Variants in XKR6 observed in about 807,000 individuals in gnomAD.
XKR6 encodes the protein XK related 6.
In XKR6, 22 loss-of-function variants were observed where a neutral mutation model predicts 56.7. That is an observed-to-expected ratio of 0.39 (90% CI 0.28 to 0.55). The LOEUF is 0.55. XKR6 is among the 20% of genes least tolerant of loss of function. The pLI, the probability that XKR6 is intolerant of heterozygous loss-of-function variation, is 0.66. For synonymous variants in XKR6, 524 were observed against 387.8 expected (o/e 1.35, Z -4.13); for missense variants, 852 against 889.0 (o/e 0.96, Z 0.53).
At chr8:10,953,317 A>G (rs139387531) in intron 1 of XKR6, among the ~76,000 whole-genome samples, 2 of 151,936 alleles carry the variant, frequency 1.3e-5, no homozygotes, top group African/African-American at 4.8e-5. Flanking sequence ...TTCTCTGGAG[A>G]TCTGGTTGTT....
chr8:11,125,824 G>C (rs542532323), intron 1 of XKR6: 1 of 152,190 alleles, frequency 6.6e-6, no homozygotes, highest in East Asian at 1.9e-4. Context: ...CTCATAAAAC[G>C]TCCAGGACCC....
At chr8:11,144,508 C>A (rs1800878567) in intron 1 of XKR6, among the ~76,000 whole-genome samples, 1 of 151,816 alleles carries the variant, frequency 6.6e-6, no homozygotes, top group African/African-American at 2.4e-5. Context: ...ATCTGGAGAC[C>A]AGGGCGCAGG....
intron 1 of XKR6, among the ~76,000 whole-genome samples, chr8:11,054,954 A>T (rs1016189670): frequency 6.6e-6 from 1 of 152,296 alleles, no homozygotes; most frequent in South Asian, 2.1e-4. Context: ...GCTCAGGCCA[A>T]TCCTGTCTTC....
At chr8:11,085,844 GA>G (rs1797868511) in intron 1 of XKR6, among the ~76,000 whole-genome samples, 1 of 152,188 alleles carries the variant, frequency 6.6e-6, no homozygotes, top group Admixed American at 6.5e-5. Context: ...AGGGCCTGCA[GA>G]TGCCCTACCT....
intron 2 of XKR6, among the ~76,000 whole-genome samples, chr8:10,912,987 CACAT>C (rs1187032654): frequency 2.7e-5 from 4 of 147,790 alleles, no homozygotes; most frequent in Admixed American, 6.7e-5. Context: ...AGTGTATATA[CACAT>C]ACATATATAT....
chr8:11,110,034 A>T (rs1389768678), intron 1 of XKR6, among the ~76,000 whole-genome samples: 2 of 152,106 alleles, frequency 1.3e-5, no homozygotes, highest in African/African-American at 2.4e-5. Context: ...GTGCAGTGAC[A>T]CAATCTCGGC....
chr8:11,030,320 T>C (rs1330637382), intron 1 of XKR6, among the ~76,000 whole-genome samples: 1 of 152,212 alleles, frequency 6.6e-6, no homozygotes, highest in Non-Finnish European at 1.5e-5. Flanking sequence ...TGGATCGTTC[T>C]AAACTGCACA....
chr8:10,983,329 A>G (rs1797778178), intron 1 of XKR6, among the ~76,000 whole-genome samples: 1 of 152,170 alleles, frequency 6.6e-6, no homozygotes. Context: ...AGAAACAGTG[A>G]TCGGGAAACA....
intron 1 of XKR6, among the ~76,000 whole-genome samples, chr8:10,999,896 G>C (rs557157814): frequency 2.6e-5 from 4 of 152,284 alleles, no homozygotes; most frequent in African/African-American, 7.2e-5. Flanking sequence ...AACTAGGAGA[G>C]CACCAGTGTT....
intron 1 of XKR6, among the ~76,000 whole-genome samples, chr8:11,119,768 A>T (rs1403302976): frequency 1.3e-5 from 2 of 152,192 alleles, no homozygotes; most frequent in Non-Finnish European, 2.9e-5. Flanking sequence ...CTTGATGAAC[A>T]TTGATGCAAA....
At chr8:10,921,356 C>T (rs1014074856) in intron 2 of XKR6, among the ~76,000 whole-genome samples, 2 of 152,336 alleles carry the variant, frequency 1.3e-5, no homozygotes, top group East Asian at 3.9e-4. Context: ...GAAGGATAGG[C>T]GTCTTTGCAA....
chr8:10,993,763 G>A (rs186751633), intron 1 of XKR6, among the ~76,000 whole-genome samples: 2 of 152,282 alleles, frequency 1.3e-5, no homozygotes, highest in African/African-American at 4.8e-5. Context: ...CCTCCTCTGT[G>A]GTCCTTTAGA....
intron 1 of XKR6, chr8:11,104,559 C>G (rs1798604330): frequency 6.6e-6 from 1 of 152,078 alleles, no homozygotes; most frequent in Non-Finnish European, 1.5e-5. Context: ...CTTCAGGGCG[C>G]TTTTGTGCAG....
rs147924037 is a variant in XKR6, at chr8:10,990,995, C to T, written c.765-66165G>A. On this transcript the variant is annotated intron_variant, in intron 1 of 2. Transcript: ENST00000416569. ...TCAGCTCACTGCCACCTCCACCTCC[C>T]GGAGTTCAAGCGATTCTCCTGCCTC... is the stretch of plus-strand genomic sequence containing the variant. 9.3e-5 allele frequency among the ~76,000 whole-genome samples: 14 copies of T among 150,278 alleles called. No individual in the cohort carries two copies. The East Asian group carries it at 1.2e-3, about 12-fold the overall frequency.
At chr8:11,007,487 C>T (rs74414125) in intron 1 of XKR6, among the ~76,000 whole-genome samples, 1 of 152,124 alleles carries the variant, frequency 6.6e-6, no homozygotes, top group African/African-American at 2.4e-5. Context: ...TGCGGCCTCT[C>T]GCATGGACGA....
intron 1 of XKR6, among the ~76,000 whole-genome samples, chr8:11,118,626 T>C (rs1473157814): frequency 2.0e-5 from 3 of 152,212 alleles, no homozygotes; most frequent in African/African-American, 7.2e-5. Context: ...CTGATGGTAG[T>C]TTGTATTTCT....
chr8:11,078,028 T>G (rs900636988), intron 1 of XKR6, among the ~76,000 whole-genome samples: 3 of 152,120 alleles, frequency 2.0e-5, no homozygotes, highest in African/African-American at 7.2e-5. Context: ...AATGCTGACC[T>G]TGAGCCTGAC....
intron 1 of XKR6, among the ~76,000 whole-genome samples, chr8:11,163,892 C>T (rs1188586322): frequency 1.3e-5 from 2 of 152,134 alleles, no homozygotes; most frequent in Non-Finnish European, 2.9e-5. Flanking sequence ...GTGGTCCCTG[C>T]CCCAGCCCTC....
chr8:11,163,010 T>C (rs892649165), intron 1 of XKR6, among the ~76,000 whole-genome samples: 6 of 152,162 alleles, frequency 3.9e-5, no homozygotes, highest in South Asian at 2.1e-4. Flanking sequence ...CAGCTCTTCT[T>C]TAAAGAGAAA....
Sources: allele counts gnomAD v4.1 joint callset (sites outside exome capture counted in the v4.1 genomes callset), GRCh38; gene constraint gnomAD v4.1.1; transcripts MANE v1.5; gene names NCBI Gene and HGNC (gene_info 2026-07-23, HGNC 2026-07-21).